The following ZPLD1 variants were observed in gnomAD, a reference collection of about 807,000 sequenced individuals.
ZPLD1 encodes zona pellucida like domain containing 1, also known as zona pellucida-like domain-containing protein 1.
ZPLD1 carries 34 observed loss-of-function variants against 47.2 expected under a neutral mutation model. The ratio of observed to expected loss-of-function variants is 0.72; its 90% CI spans 0.55 to 0.96. The LOEUF (loss-of-function observed/expected upper bound fraction) is 0.96, where lower values mean the gene tolerates loss of function less well. Among genes scored for constraint, ZPLD1 ranks in the 40% least tolerant of loss-of-function variants. The probability of loss-of-function intolerance (pLI) is 0.00; values close to 1 mark genes in which losing one functional copy is unlikely to be tolerated. For missense variants in ZPLD1, 512 were observed against 505.8 expected (o/e 1.01, Z -0.12); for synonymous variants, 176 against 186.2 (o/e 0.95, Z 0.45).
At chr3:102,408,322 T>A (rs530549374) in intron 7 of ZPLD1, among the ~76,000 whole-genome samples, 1 of 151,956 alleles carries the variant, frequency 6.6e-6, no homozygotes, top group Non-Finnish European at 1.5e-5. Flanking sequence ...AGGAAGACAG[T>A]AACACTGAAA....
chr3:102,420,127 A>G (rs1706859542), intron 8 of ZPLD1, among the ~76,000 whole-genome samples: 1 of 151,946 alleles, frequency 6.6e-6, no homozygotes, highest in African/African-American at 2.4e-5. Flanking sequence ...GGGAAATTAT[A>G]GGAATTTCAA....
chr3:102,424,871 T>C lies in ZPLD1; in HGVS notation c.-9+6664T>C, dbSNP rs145770208. On this transcript the variant is annotated intron_variant, in intron 8 of 17. Coordinates refer to the ZPLD1 transcript ENST00000491959. ...CTGCTCTTGACTCATTAACCAATAT[T>C]CTAGCACATTATTTGTTGCAAATTA... 6.4e-4 allele frequency among the ~76,000 whole-genome samples: 98 copies of C among 152,302 alleles called. 1 individual carries two copies. The East Asian group carries it at 0.016, about 25-fold the overall frequency.
At position 102,456,203 on chromosome 3, in the gene ZPLD1, T is replaced by C; in HGVS notation, c.338T>C (p.Ile113Thr). Residue 113 changes from isoleucine (I) to threonine (T), a missense_variant, in exon 5 of 12, where the codon ATT becomes ACT. Transcript: ENST00000466937. ...CTAACATTCTAACAGGTATCCACAATTCCTGGAGTCAGTGCTTATGGAAAT... is the reference window on the plus strand; with the variant it reads ...CTAACATTCTAACAGGTATCCACAACTCCTGGAGTCAGTGCTTATGGAAAT... ...GCGNNLVVST[I>T]PGVSAYGNAT... is the part of the protein sequence containing the mutation. 6.2e-7 allele frequency: 1 copy of C among 1,612,802 alleles called. No individual in the cohort carries two copies. The highest frequency in any genetic ancestry group is 8.5e-7 in the Non-Finnish European group (1 of 1,179,468).
intron 7 of ZPLD1, among the ~76,000 whole-genome samples, chr3:102,401,769 C>T (rs760356136): frequency 5.3e-5 from 8 of 151,914 alleles, no homozygotes; most frequent in Non-Finnish European, 1.0e-4. Context: ...TTAGTATAGC[C>T]CCTTTGTTGA....
At chr3:102,458,112 T>G (rs183254684) in intron 6 of ZPLD1, among the ~76,000 whole-genome samples, 6 of 152,334 alleles carry the variant, frequency 3.9e-5, no homozygotes, top group African/African-American at 1.4e-4. Context: ...TTCAAATGTC[T>G]ACCTACATTT....
chr3:102,404,349 C>T (rs1165892368), intron 7 of ZPLD1, among the ~76,000 whole-genome samples: 2 of 151,930 alleles, frequency 1.3e-5, no homozygotes, highest in Admixed American at 6.6e-5. Context: ...AGTTGTCCCG[C>T]TGATTTATTT....
At chr3:102,396,121 A>G (rs1417640662) in intron 7 of ZPLD1, among the ~76,000 whole-genome samples, 1 of 152,156 alleles carries the variant, frequency 6.6e-6, no homozygotes, top group African/African-American at 2.4e-5. Context: ...AAAACCTAGG[A>G]GAAGCATTTG....
At chr3:102,442,177 G>A (rs2107324029) in intron 3 of ZPLD1, among the ~76,000 whole-genome samples, 1 of 152,146 alleles carries the variant, frequency 6.6e-6, no homozygotes, top group South Asian at 2.1e-4. Flanking sequence ...AAAAAGGGAG[G>A]AAGTCTCCTC....
chr3:102,442,580 G>A (rs1576150234), intron 3 of ZPLD1, among the ~76,000 whole-genome samples: 1 of 151,990 alleles, frequency 6.6e-6, no homozygotes, highest in Non-Finnish European at 1.5e-5. Flanking sequence ...TTGACTCTCA[G>A]TATCTCTTCC....
At chr3:102,420,496 A>G (rs1294996838) in intron 8 of ZPLD1, among the ~76,000 whole-genome samples, 3 of 152,032 alleles carry the variant, frequency 2.0e-5, no homozygotes, top group Non-Finnish European at 2.9e-5. Flanking sequence ...AAGCAGCCAA[A>G]GAAAATTTGA....
intron 1 of ZPLD1, among the ~76,000 whole-genome samples, chr3:102,436,441 G>A (rs1216240900): frequency 6.6e-6 from 1 of 152,108 alleles, no homozygotes; most frequent in Non-Finnish European, 1.5e-5. Flanking sequence ...TAAATGAACA[G>A]ATCTATTAAA....
rs879147390 is a variant in ZPLD1 at position 102,470,242 on chromosome 3, G to C, written c.934-152G>C. On this transcript the variant is annotated intron_variant, in intron 9 of 11. Transcript: ENST00000466937. ...AGCCAGGGTAAGAAACACTGTAGCA[G>C]TTACATGCAAAGTAATTAAATAAAT... 7.8e-6 allele frequency: 5 copies of C among 640,520 alleles called. No individual in the cohort carries two copies. In the Admixed American group the frequency reaches 1.4e-4, roughly 18 times the overall value. The allele number at this position is 640,520 out of a possible 1,614,324, so 39.7% of individuals were successfully genotyped here. A position where few individuals can be genotyped will look rare whatever the true frequency, so the allele number is the denominator to read the frequency against.
chr3:102,432,961 A>G (rs1191573947), upstream of ZPLD1, among the ~76,000 whole-genome samples: 1 of 152,186 alleles, frequency 6.6e-6, no homozygotes, highest in Non-Finnish European at 1.5e-5. Context: ...ACTTCCTACT[A>G]TTCTTCTTGC....
At chr3:102,438,391 A>G in intron 2 of ZPLD1, 89 bp from the exon 3 acceptor site, 1 of 857,672 alleles carries the variant, frequency 1.2e-6, no homozygotes, top group Non-Finnish European at 1.9e-6. Flanking sequence ...CTTATCCAAC[A>G]GTGAGCTGAG....
At chr3:102,454,778 C>T (rs534302584) in intron 4 of ZPLD1, among the ~76,000 whole-genome samples, 1 of 152,302 alleles carries the variant, frequency 6.6e-6, no homozygotes, top group South Asian at 2.1e-4. Context: ...ATCATTTGAA[C>T]TTAAGAGGCG....
chr3:102,473,749 A>G (rs1172624745), intron 10 of ZPLD1, among the ~76,000 whole-genome samples: 2 of 152,360 alleles, frequency 1.3e-5, no homozygotes, highest in South Asian at 2.1e-4. Context: ...CACAGAACTC[A>G]GAACTCAAGC....
At position 102,468,932 on chromosome 3, in the gene ZPLD1, G is replaced by C. The variant is rs752943606; in HGVS notation, c.762-32G>C. ...TCCCAGTAGGTTGGTACTTTCCAGT[G>C]ATGTCCTGTTTTCACGTTCCCTAAA... On this transcript the variant is annotated intron_variant, in intron 8 of 11. Coordinates refer to ENST00000466937, the MANE Select transcript of ZPLD1 (RefSeq NM_001329788.2). 16 of 1,591,626 alleles carry C rather than the reference G, an allele frequency of 1.0e-5. No individual in the cohort carries two copies. In the South Asian group the frequency reaches 1.6e-4, roughly 16 times the overall value.
intron 7 of ZPLD1, among the ~76,000 whole-genome samples, chr3:102,400,229 A>G (rs1431157866): frequency 1.3e-5 from 2 of 152,142 alleles, no homozygotes; most frequent in Non-Finnish European, 2.9e-5. Context: ...TGATGCAAGC[A>G]TAGAGCTTAG....
chr3:102,462,437 G>A, intron 7 of ZPLD1, 59 bp downstream of exon 7: 1 of 1,180,270 alleles, frequency 8.5e-7, no homozygotes, highest in Non-Finnish European at 1.2e-6. Context: ...AAATCCTCAT[G>A]AGTCATAAAG....
Sources: allele counts gnomAD v4.1 joint callset (sites outside exome capture counted in the v4.1 genomes callset), GRCh38; gene constraint gnomAD v4.1.1; transcripts MANE v1.5; gene names NCBI Gene and HGNC (gene_info 2026-07-23, HGNC 2026-07-21).